Variants in ZYG11A observed in about 807,000 individuals in gnomAD.
ZYG11A encodes zyg-11 family member A, cell cycle regulator.
ZYG11A carries 62 observed loss-of-function variants against 77.2 expected under a neutral mutation model. The observed-to-expected ratio is 0.80, with a 90% confidence interval of 0.65 to 0.99. The LOEUF is 0.99. Ranked by LOEUF, ZYG11A falls within the 50% of genes least tolerant of loss-of-function variation. The pLI is 0.00. For synonymous variants in ZYG11A, 315 were observed against 324.6 expected (o/e 0.97, Z 0.32); for missense variants, 828 against 896.8 (o/e 0.92, Z 0.98).
chr1:52,883,341 C>G (rs1260329937), intron 11 of ZYG11A, among the ~76,000 whole-genome samples: 1 of 152,034 alleles, frequency 6.6e-6, no homozygotes, highest in Non-Finnish European at 1.5e-5. Flanking sequence ...CCAAGCTGGT[C>G]TAGAACTCCT....
intron 5 of ZYG11A, among the ~76,000 whole-genome samples, chr1:52,865,246 C>T (rs1286942730): frequency 6.6e-6 from 1 of 151,954 alleles, no homozygotes; most frequent in East Asian, 1.9e-4. Flanking sequence ...TGGCTCCCTC[C>T]CCCACAACAC....
At chr1:52,891,366 G>A (rs888019092) in intron 13 of ZYG11A, among the ~76,000 whole-genome samples, 6 of 151,750 alleles carry the variant, frequency 4.0e-5, no homozygotes, top group Admixed American at 6.6e-5. Context: ...TATGTTGAGT[G>A]GGGGCAGTTT....
intron 1 of ZYG11A, among the ~76,000 whole-genome samples, chr1:52,844,323 T>C (rs911472788): frequency 1.3e-5 from 2 of 152,182 alleles, no homozygotes; most frequent in Non-Finnish European, 1.5e-5. Flanking sequence ...TTGAACTCAT[T>C]TAGAAAAGTT....
intron 10 of ZYG11A, 143 bp from the exon 11 acceptor site, chr1:52,881,328 T>G: frequency 1.7e-6 from 1 of 575,482 alleles, no homozygotes; most frequent in Non-Finnish European, 3.0e-6. Flanking sequence ...TTGTGGGTTT[T>G]AGGCTAGCTT....
chr1:52,891,610 C>T (rs1039619534), intron 13 of ZYG11A, among the ~76,000 whole-genome samples: 3 of 151,988 alleles, frequency 2.0e-5, no homozygotes, highest in Non-Finnish European at 4.4e-5. Flanking sequence ...TCTCCTACTC[C>T]CGTATACCCC....
At chr1:52,871,416 A>G (rs1007199389) in intron 8 of ZYG11A, among the ~76,000 whole-genome samples, 2 of 151,040 alleles carry the variant, frequency 1.3e-5, no homozygotes, top group African/African-American at 4.9e-5. Context: ...TACCTTTATC[A>G]TATTAAATTC....
At chr1:52,849,424 C>T (rs561711435) in intron 1 of ZYG11A, among the ~76,000 whole-genome samples, 1,687 of 151,798 alleles carry the variant, frequency 0.011, 29 homozygotes, top group African/African-American at 0.039. Flanking sequence ...AGTGCAGTGG[C>T]GCGATCTCCG....
intron 13 of ZYG11A, 21 bp from the exon 14 acceptor site, chr1:52,892,759 GTC>G: frequency 1.3e-6 from 2 of 1,549,388 alleles, no homozygotes; most frequent in Non-Finnish European, 1.7e-6. Flanking sequence ...TCCATGGAGT[GTC>G]TCTGCTTGAT....
intron 1 of ZYG11A, among the ~76,000 whole-genome samples, chr1:52,849,044 ATTCTTTTGGAGTTTCTTTAC>A (rs1420915473): frequency 6.6e-6 from 1 of 151,856 alleles, no homozygotes; most frequent in Non-Finnish European, 1.5e-5. Flanking sequence ...TTCTTTCCCA[ATTCTTTTGGAGTTTCTTTAC>A]TTCTTTTTCT....
intron 13 of ZYG11A, 27 bp from the exon 14 acceptor site, chr1:52,892,755 G>C: frequency 6.5e-7 from 1 of 1,546,806 alleles, no homozygotes; most frequent in Non-Finnish European, 8.7e-7. Context: ...GTTGTCCATG[G>C]AGTGTCTCTG....
intron 2 of ZYG11A, among the ~76,000 whole-genome samples, chr1:52,855,909 T>C (rs1645801457): frequency 6.6e-6 from 1 of 152,248 alleles, no homozygotes. Context: ...AAAAATTTAT[T>C]CTAAACTTTC....
chr1:52,857,994 T>G (rs74203701), intron 3 of ZYG11A, among the ~76,000 whole-genome samples: 2 of 151,958 alleles, frequency 1.3e-5, no homozygotes, highest in Non-Finnish European at 2.9e-5. Flanking sequence ...TTCATGTTGG[T>G]CAGGCTGGTC....
At chr1:52,865,968 C>T (rs150870597) in intron 5 of ZYG11A, among the ~76,000 whole-genome samples, 1,822 of 132,032 alleles carry the variant, frequency 0.014, 22 homozygotes, top group African/African-American at 0.032. Flanking sequence ...GATGGAGTCT[C>T]GCTCTGTCGC....
chr1:52,883,070 C>T (rs746229686), intron 11 of ZYG11A, among the ~76,000 whole-genome samples: 2 of 151,274 alleles, frequency 1.3e-5, no homozygotes, highest in Non-Finnish European at 2.9e-5. Flanking sequence ...AGTTCTATAT[C>T]TATTTTTCTC....
chr1:52,872,578 ATTAT>A (rs1037774995), intron 8 of ZYG11A, among the ~76,000 whole-genome samples: 4 of 150,516 alleles, frequency 2.7e-5, no homozygotes, highest in African/African-American at 9.7e-5. Context: ...TATATTATTT[ATTAT>A]TTAAGAAACA....
intron 8 of ZYG11A, among the ~76,000 whole-genome samples, chr1:52,874,107 C>T (rs1646219199): frequency 4.8e-5 from 1 of 20,874 alleles, no homozygotes; most frequent in South Asian, 1.4e-3. Flanking sequence ...CCATCCTGAT[C>T]ACCATCTTGA....
At chr1:52,852,783 A>G (rs1457505211) in intron 1 of ZYG11A, among the ~76,000 whole-genome samples, 1 of 152,218 alleles carries the variant, frequency 6.6e-6, no homozygotes, top group East Asian at 1.9e-4. Flanking sequence ...AAACTATCAA[A>G]TATAGGTTAG....
At chr1:52,855,553 T>G (rs796647200) in intron 2 of ZYG11A, among the ~76,000 whole-genome samples, 21 of 152,312 alleles carry the variant, frequency 1.4e-4, no homozygotes, top group African/African-American at 5.1e-4. Flanking sequence ...GCCCGTTAGA[T>G]TTTATTTCCC....
rs528070955 is a variant in ZYG11A, at chr1:52,844,840, A to G, written c.90+1867A>G. Among the ~76,000 whole-genome samples, 7 of 152,146 alleles carry G rather than the reference A, an allele frequency of 4.6e-5. No individual in the cohort carries two copies. In the South Asian group the frequency reaches 1.2e-3, roughly 27 times the overall value. On this transcript the variant is annotated intron_variant, in intron 1 of 13. Transcript: ENST00000371528. Reference sequence around the variant, plus strand: ...ACATAAAATTGATTTTTGTATATTGATCTTGTATCCTACAGCCTGGCCAAA... The same window carrying G: ...ACATAAAATTGATTTTTGTATATTGGTCTTGTATCCTACAGCCTGGCCAAA...
Sources: gnomAD v4.1 joint callset for allele counts (sites outside exome capture counted in the v4.1 genomes callset) on GRCh38, gnomAD v4.1.1 for gene constraint, MANE v1.5 for transcripts, NCBI Gene and HGNC (gene_info 2026-07-23, HGNC 2026-07-21) for gene names.